Variants in TFAP2E observed in about 807,000 individuals in gnomAD.
The protein encoded by TFAP2E is transcription factor AP-2-epsilon.
TFAP2E carries 30 observed loss-of-function variants against 37.9 expected under a neutral mutation model. The observed-to-expected ratio is 0.79, with a 90% confidence interval of 0.59 to 1.07. The LOEUF (loss-of-function observed/expected upper bound fraction) is 1.07. Among genes scored for constraint, TFAP2E ranks in the 50% least tolerant of loss-of-function variants. TFAP2E has a pLI of 0.00. For synonymous variants in TFAP2E, 318 were observed against 295.8 expected (o/e 1.08, Z -0.77); for missense variants, 567 against 637.9 (o/e 0.89, Z 1.20).
rs1571106696 is a variant in TFAP2E, at chr1:35,588,259, G to A, written c.563-71G>A. ...TCAGTTTCTCCCTTCATAAAGCAAGGATACCAGACCCTCCCTTGAGTGGGG... is the reference window on the plus strand; with the variant it reads ...TCAGTTTCTCCCTTCATAAAGCAAGAATACCAGACCCTCCCTTGAGTGGGG... On this transcript the variant is annotated intron_variant, in intron 3 of 6. Coordinates refer to ENST00000373235, the MANE Select transcript of TFAP2E (RefSeq NM_178548.4). The surrounding 1 kb of genome is among the most constrained non-coding windows in gnomAD (Gnocchi z 5.1). The A allele has an allele frequency of 4.8e-6, 7 of 1,461,922 alleles. No individual in the cohort carries two copies. The East Asian group carries it at 1.6e-4, about 34-fold the overall frequency. 90.6% of individuals were successfully genotyped at this position (1,461,922 alleles called of 1,614,324 possible).
intron 2 of TFAP2E, 113 bp downstream of exon 2, chr1:35,574,522 ATC>A: frequency 7.5e-7 from 1 of 1,333,824 alleles, no homozygotes; most frequent in Non-Finnish European, 9.6e-7. Context: ...AGCTCGCCAC[ATC>A]TCACTGGTGA....
intron 3 of TFAP2E, among the ~76,000 whole-genome samples, chr1:35,581,117 T>C (rs2148548374): frequency 6.6e-6 from 1 of 152,336 alleles, no homozygotes; most frequent in Admixed American, 6.5e-5. Context: ...AATATATAAA[T>C]ATGCAGACTT....
Position 35,588,227 on chromosome 1 carries a change from C to G in TFAP2E, c.563-103C>G, listed in dbSNP as rs964387943. 1.6e-5 allele frequency: 20 copies of G among 1,212,826 alleles called. No individual in the cohort carries two copies. The Admixed American group carries it at 4.2e-4, about 26-fold the overall frequency. The allele number at this position is 1,212,826 out of a possible 1,614,324, so 75.1% of individuals were successfully genotyped here. On this transcript the variant is annotated intron_variant, in intron 3 of 6. Transcript: ENST00000373235. The surrounding 1 kb of genome is among the most constrained non-coding windows in gnomAD (Gnocchi z 5.1). ...ACTTGGGCGAGTCACTTTCACCTCA[C>G]TGTGGCTCAGTTTCTCCCTTCATAA...
intron 3 of TFAP2E, among the ~76,000 whole-genome samples, chr1:35,586,064 G>A (rs1475185258): frequency 6.6e-6 from 1 of 151,966 alleles, no homozygotes; most frequent in Non-Finnish European, 1.5e-5. Flanking sequence ...AAAAAATGGT[G>A]GACACTAGGA....
rs980033423 is a variant in TFAP2E, at chr1:35,594,738, G to A, written c.*62G>A. 3 of 1,605,036 alleles carry A rather than the reference G, an allele frequency of 1.9e-6. No homozygotes were observed. The highest frequency in any genetic ancestry group is 1.7e-5 in the Admixed American group (1 of 58,308). On this transcript the variant is annotated 3_prime_UTR_variant, in exon 7 of 7. Transcript: ENST00000373235. Reference sequence around the variant, plus strand: ...CCCTGAAATAGGGACTTAGCTCTTGGGGGTGGGCCTGGAAGGACTGAAAGG... The same window carrying A: ...CCCTGAAATAGGGACTTAGCTCTTGAGGGTGGGCCTGGAAGGACTGAAAGG...
intron 3 of TFAP2E, 30 bp downstream of exon 3, chr1:35,575,030 G>A (rs758391919): frequency 2.0e-5 from 33 of 1,613,402 alleles, no homozygotes; most frequent in Non-Finnish European, 2.7e-5. Context: ...GGCAGAGCCC[G>A]GCGAGATGGT....
intron 3 of TFAP2E, among the ~76,000 whole-genome samples, chr1:35,586,219 G>T (rs1473365310): frequency 1.3e-5 from 2 of 152,200 alleles, no homozygotes; most frequent in Non-Finnish European, 2.9e-5. Flanking sequence ...TAACATGATG[G>T]TTAAAGCTGT....
At chr1:35,579,215 G>T (rs1428163063) in intron 3 of TFAP2E, among the ~76,000 whole-genome samples, 1 of 151,014 alleles carries the variant, frequency 6.6e-6, no homozygotes, top group Non-Finnish European at 1.5e-5. Flanking sequence ...GGCCAATATG[G>T]TGAAACCCCG....
intron 3 of TFAP2E, among the ~76,000 whole-genome samples, chr1:35,584,501 A>G (rs112697590): frequency 0.011 from 1,633 of 152,194 alleles, 25 homozygotes; most frequent in East Asian, 0.063. Context: ...GAGGGAAGAC[A>G]GTTACTTTGC....
chr1:35,577,243 G>A lies in TFAP2E; in HGVS notation c.562+2243G>A. 5.1e-6 allele frequency: 2 copies of A among 394,644 alleles called. No homozygotes were observed. Among genetic ancestry groups the A allele is most frequent in the South Asian group, 3.6e-5 (2 of 55,334 alleles). 24.4% of individuals were successfully genotyped at this position (394,644 alleles called of 1,614,324 possible). A position where few individuals can be genotyped will look rare whatever the true frequency, so the allele number is the denominator to read the frequency against. ...GGGCGGTCGACCCAGGGCAGCTGCG[G>A]CGGCGAGGCAGGTGGGCTCCTTGCT... On this transcript the variant is annotated intron_variant, in intron 3 of 6. Transcript: ENST00000373235. The surrounding 1 kb of genome is among the most constrained non-coding windows in gnomAD (Gnocchi z 6.3).
chr1:35,587,653 A>AAAAAGGAAAGAAAG (rs796133136), intron 3 of TFAP2E, among the ~76,000 whole-genome samples: 3 of 147,790 alleles, frequency 2.0e-5, no homozygotes, highest in African/African-American at 7.8e-5. Context: ...AAAAAAAAAA[A>AAAAAGGAAAGAAAG]AAAGAAAGAA....
rs1440912280 is a variant in TFAP2E at position 35,590,253 on chromosome 1, T to C, written c.904+205T>C. 1.3e-5 allele frequency among the ~76,000 whole-genome samples: 2 copies of C among 152,146 alleles called. No homozygotes were observed. Among genetic ancestry groups the C allele is most frequent in the Non-Finnish European group, 2.9e-5 (2 of 68,022 alleles). ...GTCCTTGTACATGTGTGCATGCATG[T>C]GCAATGGAGACCTACTTGCAGTGTG... On this transcript the variant is annotated intron_variant, in intron 5 of 6. Transcript: ENST00000373235. This position sits in a 1 kb window ranked among gnomAD's most constrained non-coding sequence, Gnocchi z 6.2.
intron 3 of TFAP2E, among the ~76,000 whole-genome samples, chr1:35,587,902 G>A (rs1649530757): frequency 6.6e-6 from 1 of 152,122 alleles, no homozygotes; most frequent in Non-Finnish European, 1.5e-5. Context: ...GTGAGGTGGG[G>A]TGGGAGGGCA....
At chr1:35,575,152 G>A (rs1211450930) in intron 3 of TFAP2E, 152 bp downstream of exon 3, 4 of 1,031,430 alleles carry the variant, frequency 3.9e-6, no homozygotes, top group Non-Finnish European at 5.8e-6. Flanking sequence ...TTAGGCAGAC[G>A]TGCGGGCTTG....
chr1:35,573,828 G>C lies in TFAP2E; in HGVS notation c.28-99G>C, dbSNP rs1649081736. ...AACCTCGGGCCCCAAGAAACGGGAG[G>C]GACTGCAGCTGAACCCTCCCGAGCT... is the stretch of plus-strand genomic sequence containing the variant. On this transcript the variant is annotated intron_variant, in intron 1 of 6. Coordinates refer to ENST00000373235, the MANE Select transcript of TFAP2E (RefSeq NM_178548.4). The surrounding 1 kb of genome is among the most constrained non-coding windows in gnomAD (Gnocchi z 5.9). The C allele has an allele frequency of 2.9e-6, 4 of 1,383,950 alleles. No individual in the cohort carries two copies. Among genetic ancestry groups the C allele is most frequent in the Non-Finnish European group, 3.7e-6 (4 of 1,069,966 alleles). The allele number at this position is 1,383,950 out of a possible 1,614,324, so 85.7% of individuals were successfully genotyped here.
chr1:35,594,467 A>C lies in TFAP2E; in HGVS notation c.1120A>C (p.Ile374Leu). 1 of 1,614,138 alleles carries C rather than the reference A, an allele frequency of 6.2e-7. No individual in the cohort carries two copies. Among genetic ancestry groups the C allele is most frequent in the Non-Finnish European group, 8.5e-7 (1 of 1,180,026 alleles). Residue 374 changes from isoleucine (I) to leucine (L), a missense_variant, in exon 7 of 7, where the codon ATC becomes CTC. Physicochemically the swap from Ile to Leu is conservative, Grantham distance 5. Around this residue, in one of 3 missense-constraint regions of TFAP2E, gnomAD observed 252 missense variants for 302.6 expected, o/e 0.83. Coordinates refer to ENST00000373235, the MANE Select transcript of TFAP2E (RefSeq NM_178548.4). The stretch of plus-strand genomic sequence containing the variant: ...GCTGGGCAACAGCCGCCCAGCACTC[A>C]TCCTGGAGCCCGGAGTACAGAGCTG... ...SPLGNSRPAL[I>L]LEPGVQSCLT...
intron 3 of TFAP2E, among the ~76,000 whole-genome samples, chr1:35,587,743 G>A (rs11264178): frequency 0.13 from 20,454 of 151,900 alleles, 3,201 homozygotes; most frequent in East Asian, 0.68. Flanking sequence ...TGGGGAGGGG[G>A]TATAGGGCCT....
At chr1:35,593,113 G>A (rs1219982249) in intron 6 of TFAP2E, among the ~76,000 whole-genome samples, 1 of 152,150 alleles carries the variant, frequency 6.6e-6, no homozygotes, top group African/African-American at 2.4e-5. Context: ...GGGAAGCTGA[G>A]GTGATCAGAT....
At position 35,594,478 on chromosome 1, in the gene TFAP2E, C is replaced by T. The variant is rs375608944; in HGVS notation, c.1131C>T (p.Pro377=). 2.9e-5 allele frequency: 47 copies of T among 1,614,038 alleles called. No homozygotes were observed. In the African/African-American group the frequency reaches 3.5e-4, roughly 12 times the overall value. ...GNSRPALILE[P]GVQSCLTHFS... ...GCCGCCCAGCACTCATCCTGGAGCC[C>T]GGAGTACAGAGCTGCTTGACACACT... The change falls in exon 7 of 7, where the codon CCC becomes CCT. Residue 377 remains proline, a synonymous_variant. Transcript: ENST00000373235.
Sources: gnomAD v4.1 joint callset for allele counts (sites outside exome capture counted in the v4.1 genomes callset) on GRCh38, gnomAD v4.1.1 for gene constraint, gnomAD v4.1.1 regional missense constraint, Gnocchi (gnomAD v3.1) non-coding constraint, MANE v1.5 for transcripts, NCBI Gene and HGNC (gene_info 2026-07-23, HGNC 2026-07-21) for gene names.